CABCOCO1: variants seen among roughly 807,000 people sequenced by gnomAD.
CABCOCO1 encodes ciliary-associated calcium-binding coiled-coil protein 1.
CABCOCO1 carries 28 observed loss-of-function variants against 35.7 expected under a neutral mutation model. That is an observed-to-expected ratio of 0.78 (90% CI 0.58 to 1.07). CABCOCO1 has a LOEUF of 1.07. Among genes scored for constraint, CABCOCO1 ranks in the 50% least tolerant of loss-of-function variants. CABCOCO1 has a pLI of 0.00. For synonymous variants in CABCOCO1, 95 were observed against 100.1 expected, an observed-to-expected ratio of 0.95 and a Z score of 0.30; for missense variants, 326 against 309.2, an observed-to-expected ratio of 1.05 and a Z score of -0.41.
chr10:61,682,995 A>T lies in CABCOCO1; in HGVS notation c.334+1683A>T, dbSNP rs1419642114. Among the ~76,000 whole-genome samples, 15 of 149,296 alleles carry T rather than the reference A, an allele frequency of 1.0e-4. No individual in the cohort carries two copies. In the Admixed American group the frequency reaches 1.0e-3, roughly 10 times the overall value. The stretch of plus-strand genomic sequence containing the variant: ...AACCTCCGCCTCCTGGATTCAAGCG[A>T]TTCTCCTGCCTCAGCCTTCCAAGTA... On this transcript the variant is annotated intron_variant, in intron 3 of 7. Coordinates refer to ENST00000648843, the MANE Select transcript of CABCOCO1 (RefSeq NM_001366906.2).
chr10:61,709,137 T>C (rs1463291656), intron 5 of CABCOCO1, among the ~76,000 whole-genome samples: 1 of 152,164 alleles, frequency 6.6e-6, no homozygotes, highest in African/African-American at 2.4e-5. Flanking sequence ...ATATTTAACA[T>C]TCAACAGTTA....
chr10:61,721,105 T>C (rs1841007662), intron 5 of CABCOCO1, among the ~76,000 whole-genome samples: 2 of 151,784 alleles, frequency 1.3e-5, no homozygotes, highest in Non-Finnish European at 2.9e-5. Flanking sequence ...TTTGTATTTT[T>C]AGTAGAGACG....
At chr10:61,761,026 T>C in intron 7 of CABCOCO1, 23 bp downstream of exon 7, 1 of 1,608,578 alleles carries the variant, frequency 6.2e-7, no homozygotes, top group Non-Finnish European at 8.5e-7. Flanking sequence ...GATAGTATGC[T>C]CACTTACTTT....
At chr10:61,739,595 A>G (rs1841499899) in intron 5 of CABCOCO1, among the ~76,000 whole-genome samples, 1 of 152,054 alleles carries the variant, frequency 6.6e-6, no homozygotes, top group Non-Finnish European at 1.5e-5. Context: ...AAATTAGGAA[A>G]TTGCTAAGTT....
intron 5 of CABCOCO1, among the ~76,000 whole-genome samples, chr10:61,740,495 T>C (rs1327642709): frequency 6.6e-6 from 1 of 152,190 alleles, no homozygotes; most frequent in Non-Finnish European, 1.5e-5. Flanking sequence ...TTAAGTGACA[T>C]TTTAAGAACT....
At chr10:61,677,597 A>G (rs957101969) in intron 2 of CABCOCO1, among the ~76,000 whole-genome samples, 1 of 151,776 alleles carries the variant, frequency 6.6e-6, no homozygotes, top group Non-Finnish European at 1.5e-5. Context: ...CACAACGTGC[A>G]GGATTGTTAC....
intron 5 of CABCOCO1, among the ~76,000 whole-genome samples, chr10:61,721,416 G>C (rs1841017722): frequency 6.6e-6 from 1 of 152,008 alleles, no homozygotes; most frequent in Non-Finnish European, 1.5e-5. Context: ...ACCAACCCGT[G>C]GTGGATATGT....
At chr10:61,712,923 T>C (rs1840767813) in intron 5 of CABCOCO1, among the ~76,000 whole-genome samples, 1 of 152,234 alleles carries the variant, frequency 6.6e-6, no homozygotes, top group Non-Finnish European at 1.5e-5. Flanking sequence ...GTAGTATAGT[T>C]TGAAGTCAGG....
chr10:61,670,038 A>G (rs1055296146), intron 1 of CABCOCO1, among the ~76,000 whole-genome samples: 2 of 152,198 alleles, frequency 1.3e-5, no homozygotes, highest in Admixed American at 6.5e-5. Flanking sequence ...ATCATGCTCC[A>G]CTATCTAACA....
intron 5 of CABCOCO1, among the ~76,000 whole-genome samples, chr10:61,750,025 C>A (rs2132078685): frequency 6.6e-6 from 1 of 150,386 alleles, no homozygotes; most frequent in Admixed American, 6.6e-5. Flanking sequence ...CCAGCACTGA[C>A]CTTAGGGCCT....
Position 61,679,329 on chromosome 10 carries a change from C to CTATATCTATATCTATATCTATCTA in CABCOCO1, c.165-1811_165-1810insATCTATATCTATATCTATCTATAT, listed in dbSNP as rs60971419. 2.2e-4 allele frequency among the ~76,000 whole-genome samples: 32 copies of CTATATCTATATCTATATCTATCTA among 142,834 alleles called. No individual in the cohort carries two copies. In the East Asian group the frequency reaches 2.9e-3, roughly 13 times the overall value. 93.7% of individuals were successfully genotyped at this position (142,834 alleles called of 152,430 possible). A position where few individuals can be genotyped will look rare whatever the true frequency, so the allele number is the denominator to read the frequency against. On this transcript the variant is annotated intron_variant, in intron 2 of 7. Coordinates refer to ENST00000648843, the MANE Select transcript of CABCOCO1 (RefSeq NM_001366906.2). ...TCTATATCTATATCTATATCTATATCTATCTATATCTATCTATCTATCTGC... is the reference window on the plus strand; with the variant it reads ...TCTATATCTATATCTATATCTATATCTATATCTATATCTATATCTATCTATATCTATATCTATCTATCTATCTGC...
chr10:61,697,331 G>C (rs1379296126), intron 5 of CABCOCO1, among the ~76,000 whole-genome samples: 1 of 151,998 alleles, frequency 6.6e-6, no homozygotes, highest in Non-Finnish European at 1.5e-5. Flanking sequence ...ATGAAGTATA[G>C]TCACACTATA....
At chr10:61,685,778 T>C (rs1363194356) in intron 3 of CABCOCO1, among the ~76,000 whole-genome samples, 1 of 152,200 alleles carries the variant, frequency 6.6e-6, no homozygotes, top group Non-Finnish European at 1.5e-5. Flanking sequence ...CCTTGGCTGG[T>C]ACTCTAACTC....
chr10:61,681,442 A>G, intron 3 of CABCOCO1, 130 bp downstream of exon 3: 1 of 625,560 alleles, frequency 1.6e-6, no homozygotes, highest in South Asian at 2.5e-5. Flanking sequence ...TGAGTATAAC[A>G]AATACATAGT....
chr10:61,703,463 A>G (rs1840514245), intron 5 of CABCOCO1, among the ~76,000 whole-genome samples: 2 of 152,192 alleles, frequency 1.3e-5, no homozygotes, highest in Admixed American at 1.3e-4. Context: ...AAGAGCGGAA[A>G]TCTGACTTGA....
Position 61,766,019 on chromosome 10 carries a change from T to C in CABCOCO1, c.*6T>C, listed in dbSNP as rs2132101590. ...AAAAATTGAAAAAGGCCTAAGGACT[T>C]GGTACAAGGAGAGTGATGCTAAACT... On this transcript the variant is annotated 3_prime_UTR_variant, in exon 8 of 8. Coordinates refer to ENST00000648843, the MANE Select transcript of CABCOCO1 (RefSeq NM_001366906.2). The C allele has an allele frequency of 3.1e-6, 5 of 1,608,464 alleles. No homozygotes were observed. Among genetic ancestry groups the C allele is most frequent in the Non-Finnish European group, 4.3e-6 (5 of 1,175,398 alleles).
chr10:61,718,569 G>GTATT (rs1840923608), intron 5 of CABCOCO1, among the ~76,000 whole-genome samples: 1 of 152,154 alleles, frequency 6.6e-6, no homozygotes, highest in South Asian at 2.1e-4. Context: ...ATATGCAGGT[G>GTATT]TATTTGTGTT....
chr10:61,689,096 G>T (rs1840053561), intron 4 of CABCOCO1, among the ~76,000 whole-genome samples: 1 of 152,194 alleles, frequency 6.6e-6, no homozygotes, highest in African/African-American at 2.4e-5. Flanking sequence ...GAAGATTTAT[G>T]AACTAAGTTC....
chr10:61,712,765 C>T (rs1288185815), intron 5 of CABCOCO1, among the ~76,000 whole-genome samples: 1 of 152,150 alleles, frequency 6.6e-6, no homozygotes, highest in Admixed American at 6.5e-5. Context: ...ATAGGGAATC[C>T]TTTCCCCATT....
Sources: allele counts gnomAD v4.1 joint callset (sites outside exome capture counted in the v4.1 genomes callset), GRCh38; gene constraint gnomAD v4.1.1; transcripts MANE v1.5; gene names NCBI Gene and HGNC (gene_info 2026-07-23, HGNC 2026-07-21).